The following KRAS variants were observed in gnomAD, a reference collection of about 807,000 sequenced individuals.
KRAS encodes GTPase KRas.
Under a neutral mutation model 21.0 loss-of-function variants are expected in KRAS, and 1 was observed. The observed-to-expected ratio is 0.05, with a 90% CI of 0.02 to 0.23. KRAS has a LOEUF of 0.23. Among genes scored for constraint, KRAS ranks in the 10% least tolerant of loss-of-function variants. The pLI, the probability that KRAS is intolerant of heterozygous loss-of-function variation, is 1.00. For missense variants in KRAS, 107 were observed against 221.8 expected (o/e 0.48, Z 3.29); for synonymous variants, 67 against 72.5 (o/e 0.92, Z 0.39).
intron 2 of KRAS, among the ~76,000 whole-genome samples, chr12:25,238,039 C>T (rs1484106880): frequency 2.0e-5 from 3 of 152,130 alleles, no homozygotes; most frequent in Admixed American, 1.3e-4. Context: ...TGTTAAAGAG[C>T]TTATTTTCAT....
At position 25,248,196 on chromosome 12, in the gene KRAS, G is replaced by A. The variant is rs556997834; in HGVS notation, c.-12+2555C>T. Among the ~76,000 whole-genome samples, 422 of 151,252 alleles carry A rather than the reference G, an allele frequency of 2.8e-3. 5 individuals carry two copies. Among genetic ancestry groups the A allele is most frequent in the South Asian group, 0.01 (50 of 4,784 alleles). The stretch of plus-strand genomic sequence containing the variant: ...TTTTTAAGAGTGTAGGCCGGGTGTG[G>A]TGGCCTGTAATCCCAGCACTTTGGG... On this transcript the variant is annotated intron_variant, in intron 1 of 4. Transcript: ENST00000311936.
At chr12:25,247,996 T>C (rs931852006) in intron 1 of KRAS, among the ~76,000 whole-genome samples, 1 of 152,118 alleles carries the variant, frequency 6.6e-6, no homozygotes, top group Non-Finnish European at 1.5e-5. Flanking sequence ...TATTAATAAA[T>C]CCCAAACAAA....
intron 2 of KRAS, among the ~76,000 whole-genome samples, chr12:25,230,410 C>T (rs148396477): frequency 0.012 from 1,782 of 152,196 alleles, 26 homozygotes; most frequent in Middle Eastern, 0.031. Context: ...GGGCAGATCA[C>T]CTGAGGTCGG....
chr12:25,225,369 A>C (rs1217270048), intron 4 of KRAS: 1 of 255,434 alleles, frequency 3.9e-6, no homozygotes, highest in African/African-American at 2.3e-5. Context: ...CCACCTCTTG[A>C]ATTCTAAATG....
chr12:25,215,288 A>C, intron 4 of KRAS: 2 of 1,263,598 alleles, frequency 1.6e-6, no homozygotes, highest in Non-Finnish European at 2.1e-6. Context: ...GATTAAAAAT[A>C]AATGTACTAA....
chr12:25,215,767 T>C (rs777787588), intron 4 of KRAS, among the ~76,000 whole-genome samples: 32 of 152,198 alleles, frequency 2.1e-4, no homozygotes, highest in Non-Finnish European at 1.5e-5. Flanking sequence ...TTTTGTTTTC[T>C]AATGGAATTA....
At chr12:25,228,147 G>T (rs1474324767) in intron 2 of KRAS, among the ~76,000 whole-genome samples, 4 of 146,870 alleles carry the variant, frequency 2.7e-5, no homozygotes, top group Non-Finnish European at 1.5e-5. Context: ...GCTCACTGGA[G>T]CATTTGATTT....
chr12:25,233,489 AAATGAATG>A (rs145497135), intron 2 of KRAS, among the ~76,000 whole-genome samples: 15,869 of 152,016 alleles, frequency 0.1, 1,187 homozygotes, highest in Non-Finnish European at 0.14. Flanking sequence ...GGAAGGAAGA[AAATGAATG>A]AATGAATGAA....
chr12:25,205,469 C>T lies in KRAS; in HGVS notation c.*4326G>A, dbSNP rs1213616526. Reference sequence around the variant, plus strand: ...ACTGGATCACACTGCATATGTCCCACAAAAGAAAGCACAATGTACAAAATG... The same window carrying T: ...ACTGGATCACACTGCATATGTCCCATAAAAGAAAGCACAATGTACAAAATG... On this transcript the variant is annotated 3_prime_UTR_variant, in exon 5 of 5. Coordinates refer to ENST00000311936, the MANE Select transcript of KRAS (RefSeq NM_004985.5). 1 of 215,204 alleles carries T rather than the reference C, an allele frequency of 4.6e-6. No individual in the cohort carries two copies. Among genetic ancestry groups the T allele is most frequent in the Admixed American group, 5.8e-5 (1 of 17,154 alleles). 13.3% of individuals were successfully genotyped at this position (215,204 alleles called of 1,614,324 possible). A position where few individuals can be genotyped will look rare whatever the true frequency, so the allele number is the denominator to read the frequency against.
chr12:25,240,743 T>G (rs894175369), intron 2 of KRAS, among the ~76,000 whole-genome samples: 7 of 152,222 alleles, frequency 4.6e-5, no homozygotes, highest in African/African-American at 1.4e-4. Flanking sequence ...CAACTTCCAT[T>G]TGTATGTTTT....
chr12:25,236,862 C>T (rs967701624), intron 2 of KRAS, among the ~76,000 whole-genome samples: 2 of 152,000 alleles, frequency 1.3e-5, no homozygotes, highest in Admixed American at 6.6e-5. Context: ...AAAGACAGAG[C>T]TACCATATAA....
intron 4 of KRAS, among the ~76,000 whole-genome samples, chr12:25,224,277 G>C (rs1038108033): frequency 6.6e-6 from 1 of 151,404 alleles, no homozygotes; most frequent in South Asian, 2.1e-4. Context: ...GTTATTATAG[G>C]AGATGACAGC....
chr12:25,222,696 A>T (rs923611007), intron 4 of KRAS, among the ~76,000 whole-genome samples: 1 of 152,292 alleles, frequency 6.6e-6, no homozygotes, highest in African/African-American at 2.4e-5. Context: ...CAAACAAAAA[A>T]ACCCAAGGCC....
intron 4 of KRAS, among the ~76,000 whole-genome samples, chr12:25,223,100 C>T (rs1951348723): frequency 6.6e-6 from 1 of 152,156 alleles, no homozygotes; most frequent in African/African-American, 2.4e-5. Context: ...ATAAGAAGCA[C>T]TTCTTTACTG....
chr12:25,246,147 CA>C (rs35617676), intron 1 of KRAS, among the ~76,000 whole-genome samples: 19,755 of 84,430 alleles, frequency 0.23, 1,084 homozygotes, highest in East Asian at 0.33. Flanking sequence ...GACTCCGTCT[CA>C]AAAAAAAAAA....
At chr12:25,215,582 C>A (rs1162827590) in intron 4 of KRAS, 1 of 1,594,048 alleles carries the variant, frequency 6.3e-7, no homozygotes, top group Non-Finnish European at 8.6e-7. Flanking sequence ...AACACAACTT[C>A]TTTAAAGTCT....
rs1361113020 is a variant in KRAS, at chr12:25,206,583, A to T, written c.*3212T>A. On this transcript the variant is annotated 3_prime_UTR_variant, in exon 5 of 5. Coordinates refer to ENST00000311936, the MANE Select transcript of KRAS (RefSeq NM_004985.5). ...TACATCAAAAATTCAAGAGGCCTAA[A>T]TATCCCCTCATAAGCACTGCAGTTC... 9.9e-6 allele frequency: 2 copies of T among 201,522 alleles called. No individual in the cohort carries two copies. The highest frequency in any genetic ancestry group is 4.6e-5 in the African/African-American group (2 of 43,632). 12.5% of individuals were successfully genotyped at this position (201,522 alleles called of 1,614,324 possible). A position where few individuals can be genotyped will look rare whatever the true frequency, so the allele number is the denominator to read the frequency against.
At chr12:25,238,871 A>G (rs1951575051) in intron 2 of KRAS, among the ~76,000 whole-genome samples, 1 of 152,242 alleles carries the variant, frequency 6.6e-6, no homozygotes, top group Admixed American at 6.5e-5. Flanking sequence ...ACATTCTTAT[A>G]TATACATCTT....
chr12:25,227,509 A>C (rs546155761), intron 2 of KRAS, 97 bp from the exon 3 acceptor site: 1 of 1,125,140 alleles, frequency 8.9e-7, no homozygotes, highest in Non-Finnish European at 1.3e-6. Context: ...TCAATTTAAA[A>C]ATGGGCAAAG....
Sources: gnomAD v4.1 joint callset for allele counts (sites outside exome capture counted in the v4.1 genomes callset) on GRCh38, gnomAD v4.1.1 for gene constraint, MANE v1.5 for transcripts, NCBI Gene and HGNC (gene_info 2026-07-23, HGNC 2026-07-21) for gene names.